DDAH1: variants seen among roughly 807,000 people sequenced by gnomAD.
DDAH1 encodes N(G),N(G)-dimethylarginine dimethylaminohydrolase 1.
In DDAH1, 19 loss-of-function variants were observed where a neutral mutation model predicts 28.8. The observed-to-expected ratio is 0.66, with a 90% confidence interval of 0.46 to 0.97. The LOEUF is 0.97. Ranked by LOEUF, DDAH1 falls within the 50% of genes least tolerant of loss-of-function variation. The probability of loss-of-function intolerance (pLI) is 0.00; values close to 1 mark genes in which losing one functional copy is unlikely to be tolerated. For synonymous variants in DDAH1, 153 were observed against 154.4 expected, an observed-to-expected ratio of 0.99 and a Z score of 0.07; for missense variants, 326 against 375.9, an observed-to-expected ratio of 0.87 and a Z score of 1.10.
chr1:85,469,333 A>G (rs1655536192), upstream of DDAH1, among the ~76,000 whole-genome samples: 1 of 152,238 alleles, frequency 6.6e-6, no homozygotes, highest in Non-Finnish European at 1.5e-5. Context: ...AATTAAGAGC[A>G]TAGCTTCTAG....
chr1:85,560,696 G>A (rs1387729797), intron 1 of DDAH1, among the ~76,000 whole-genome samples: 1 of 151,860 alleles, frequency 6.6e-6, no homozygotes, highest in Admixed American at 6.6e-5. Flanking sequence ...GAAGTATATA[G>A]AAAATAATAA....
intron 4 of DDAH1, among the ~76,000 whole-genome samples, chr1:85,333,375 T>C (rs569868972): frequency 6.6e-6 from 1 of 152,266 alleles, no homozygotes; most frequent in South Asian, 2.1e-4. Flanking sequence ...AAGTGACTGT[T>C]ACACCAGATG....
At chr1:85,427,375 T>G (rs1653457252) in intron 1 of DDAH1, among the ~76,000 whole-genome samples, 1 of 152,154 alleles carries the variant, frequency 6.6e-6, no homozygotes, top group South Asian at 2.1e-4. Context: ...CTGAAATTTT[T>G]TAATGCAAAA....
intron 1 of DDAH1, among the ~76,000 whole-genome samples, chr1:85,515,937 C>T (rs1485907596): frequency 2.6e-5 from 4 of 152,172 alleles, no homozygotes; most frequent in Non-Finnish European, 5.9e-5. Context: ...AAGTTGATGT[C>T]GACAGGATGG....
intron 1 of DDAH1, among the ~76,000 whole-genome samples, chr1:85,429,185 G>A (rs1291917873): frequency 6.6e-6 from 1 of 151,176 alleles, no homozygotes; most frequent in Non-Finnish European, 1.5e-5. Context: ...CCCCCAGCAG[G>A]CCCCTGTGTG....
At chr1:85,406,706 C>T (rs150518673) in intron 1 of DDAH1, among the ~76,000 whole-genome samples, 171 of 152,016 alleles carry the variant, frequency 1.1e-3, no homozygotes, top group Non-Finnish European at 2.0e-3. Flanking sequence ...GGTGAGAACA[C>T]GTAAAAATAT....
intron 2 of DDAH1, among the ~76,000 whole-genome samples, chr1:85,473,236 GGGGATT>G (rs1195292434): frequency 6.6e-6 from 1 of 152,146 alleles, no homozygotes; most frequent in Non-Finnish European, 1.5e-5. Context: ...TTGGGTAGAA[GGGGATT>G]GGGATTGCTG....
intron 1 of DDAH1, among the ~76,000 whole-genome samples, chr1:85,534,978 AAAAGGAGGTGGC>A (rs1415724861): frequency 6.6e-6 from 1 of 152,198 alleles, no homozygotes; most frequent in Non-Finnish European, 1.5e-5. Flanking sequence ...GAAAAAGAAG[AAAAGGAGGTGGC>A]GTGGGAGTGG....
chr1:85,523,137 T>G (rs1433251282), intron 1 of DDAH1, among the ~76,000 whole-genome samples: 1 of 152,038 alleles, frequency 6.6e-6, no homozygotes, highest in Non-Finnish European at 1.5e-5. Flanking sequence ...TTGAATGGCC[T>G]GTAGGGCTCA....
intron 1 of DDAH1, among the ~76,000 whole-genome samples, chr1:85,551,339 T>A (rs1658783557): frequency 6.6e-6 from 1 of 152,238 alleles, no homozygotes; most frequent in African/African-American, 2.4e-5. Flanking sequence ...AGAGCTCTAC[T>A]ACTCTGGGAT....
chr1:85,346,158 G>A (rs1324331017), intron 4 of DDAH1, among the ~76,000 whole-genome samples: 1 of 151,934 alleles, frequency 6.6e-6, no homozygotes, highest in Non-Finnish European at 1.5e-5. Context: ...AAGGAACCAA[G>A]TACTCAGAGA....
intron 1 of DDAH1, among the ~76,000 whole-genome samples, chr1:85,407,501 C>T (rs749466698): frequency 3.1e-4 from 47 of 152,204 alleles, no homozygotes; most frequent in Non-Finnish European, 6.2e-4. Flanking sequence ...CATCTGGAAA[C>T]ACACTTGAAT....
chr1:85,373,458 GT>G (rs1332294885), intron 1 of DDAH1, among the ~76,000 whole-genome samples: 2 of 152,042 alleles, frequency 1.3e-5, no homozygotes, highest in African/African-American at 4.8e-5. Flanking sequence ...CATGGGGGTG[GT>G]TTCCCCCATG....
intron 1 of DDAH1, among the ~76,000 whole-genome samples, chr1:85,566,697 T>C (rs1214575667): frequency 6.6e-6 from 1 of 152,040 alleles, no homozygotes; most frequent in Non-Finnish European, 1.5e-5. Flanking sequence ...AGAATATTAC[T>C]AGGGATAAAG....
At chr1:85,373,414 A>G (rs1027885587) in intron 1 of DDAH1, among the ~76,000 whole-genome samples, 4 of 152,222 alleles carry the variant, frequency 2.6e-5, no homozygotes, top group Non-Finnish European at 4.4e-5. Context: ...GGGACCTGTT[A>G]TCTCCAAGCA....
rs202209648 is a variant in DDAH1 at position 85,536,948 on chromosome 1, CATATAT to C, written c.-122-40673_-122-40668del. 6.6e-3 allele frequency among the ~76,000 whole-genome samples: 603 copies of C among 91,820 alleles called. 7 individuals are homozygous for C. The highest frequency in any genetic ancestry group is 0.016 in the African/African-American group (407 of 25,094). 60.2% of individuals were successfully genotyped at this position (91,820 alleles called of 152,430 possible). A position where few individuals can be genotyped will look rare whatever the true frequency, so the allele number is the denominator to read the frequency against. On this transcript the variant is annotated intron_variant, in intron 1 of 6. Coordinates refer to the DDAH1 transcript ENST00000426972. ...AGATGAATAGATAAAGAAAATGTGG[CATATAT>C]ATATATATATATATATATATATATA...
rs1661273380 is a variant in DDAH1 at position 85,320,364 on chromosome 1, C to A, written c.*1088G>T. 6.6e-6 allele frequency: 1 copy of A among 152,590 alleles called. No individual in the cohort carries two copies. Among genetic ancestry groups the A allele is most frequent in the Non-Finnish European group, 1.5e-5 (1 of 68,042 alleles). The allele number at this position is 152,590 out of a possible 1,614,324, so 9.5% of individuals were successfully genotyped here. On this transcript the variant is annotated 3_prime_UTR_variant, in exon 6 of 6. Transcript: ENST00000284031. The stretch of plus-strand genomic sequence containing the variant: ...GAACATGTTCATTGACCATGAGGAG[C>A]TGTTTACTCTGGCTCATATTAGACT...
chr1:85,472,464 A>C (rs551786), intron 2 of DDAH1, among the ~76,000 whole-genome samples: 143,522 of 151,868 alleles, frequency 0.95, 67,905 homozygotes, highest in Non-Finnish European at 0.98. Context: ...TTCTCTTATT[A>C]ATCTTCCTTT....
Position 85,520,711 on chromosome 1 carries a change from A to C in DDAH1, c.-122-24430T>G, listed in dbSNP as rs60791247. Among the ~76,000 whole-genome samples the C allele has an allele frequency of 5.1e-3, 775 of 152,354 alleles. 8 individuals are homozygous for C. The highest frequency in any genetic ancestry group is 0.018 in the African/African-American group (747 of 41,580). ...AATGGACTGTGCCGAGGCACAAAGAAGGGACCTCATTACTGAACGCAGGGG... is the reference window on the plus strand; with the variant it reads ...AATGGACTGTGCCGAGGCACAAAGACGGGACCTCATTACTGAACGCAGGGG... On this transcript the variant is annotated intron_variant, in intron 1 of 6. Coordinates refer to the DDAH1 transcript ENST00000426972.
Sources: allele counts gnomAD v4.1 joint callset (sites outside exome capture counted in the v4.1 genomes callset), GRCh38; gene constraint gnomAD v4.1.1; transcripts MANE v1.5; gene names NCBI Gene and HGNC (gene_info 2026-07-23, HGNC 2026-07-21).